Variants in CMSS1 observed in about 807,000 individuals in gnomAD.
CMSS1 encodes the protein protein CMSS1.
In CMSS1, 33 loss-of-function variants were observed where a neutral mutation model predicts 43.5. That is an observed-to-expected ratio of 0.76 (90% CI 0.57 to 1.01). The LOEUF is 1.01. Ranked by LOEUF, CMSS1 falls within the 50% of genes least tolerant of loss-of-function variation. CMSS1 has a pLI of 0.00. For missense variants in CMSS1, 313 were observed against 326.4 expected (o/e 0.96, Z 0.32); for synonymous variants, 115 against 117.2 (o/e 0.98, Z 0.12).
intron 1 of CMSS1, among the ~76,000 whole-genome samples, chr3:100,086,125 G>T (rs1156411600): frequency 2.0e-5 from 3 of 152,220 alleles, no homozygotes; most frequent in Non-Finnish European, 4.4e-5. Flanking sequence ...GTATCTTTCT[G>T]CAGCGAACCT....
chr3:100,134,973 G>A lies in CMSS1; in HGVS notation c.65-12000G>A, dbSNP rs150551574. Among the ~76,000 whole-genome samples, 8 of 152,200 alleles carry A rather than the reference G, an allele frequency of 5.3e-5. No homozygotes were observed. The East Asian group carries it at 1.5e-3, about 29-fold the overall frequency. ...CCTGGCTCTCTTTCTTATTAATGTT[G>A]AGCAGGTGCCTCCATTTCTACCTCT... On this transcript the variant is annotated intron_variant, in intron 1 of 9. Transcript: ENST00000421999.
chr3:100,052,243 C>T (rs1256818929), intron 1 of CMSS1, among the ~76,000 whole-genome samples: 3 of 152,180 alleles, frequency 2.0e-5, no homozygotes, highest in Non-Finnish European at 2.9e-5. Context: ...CTAATACACT[C>T]CATTGGAGTT....
In CMSS1 at chr3:100,111,777, C is replaced by T. The variant is rs116971607; in HGVS notation, c.65-35196C>T. Among the ~76,000 whole-genome samples the T allele has an allele frequency of 3.2e-3, 482 of 152,302 alleles. 12 individuals are homozygous for T. The East Asian group carries it at 0.062, about 19-fold the overall frequency. The stretch of plus-strand genomic sequence containing the variant: ...AGTATGTAAAGTTTTTGTCTAACAT[C>T]TATAGCTTGCACCAAAATGTCAACA... On this transcript the variant is annotated intron_variant, in intron 1 of 9. Coordinates refer to ENST00000421999, the MANE Select transcript of CMSS1 (RefSeq NM_032359.4).
At chr3:100,093,560 A>G (rs1478417864) in intron 1 of CMSS1, among the ~76,000 whole-genome samples, 1 of 152,180 alleles carries the variant, frequency 6.6e-6, no homozygotes, top group East Asian at 1.9e-4. Context: ...ATACACTTCA[A>G]CCAGTTTCCT....
At chr3:100,052,769 A>T (rs865983195) in intron 1 of CMSS1, among the ~76,000 whole-genome samples, 1 of 152,212 alleles carries the variant, frequency 6.6e-6, no homozygotes, top group Non-Finnish European at 1.5e-5. Flanking sequence ...CAGTTGTTTG[A>T]GTATATACTG....
At chr3:99,878,549 G>A (rs1398533197) in intron 1 of CMSS1, among the ~76,000 whole-genome samples, 1 of 152,186 alleles carries the variant, frequency 6.6e-6, no homozygotes, top group East Asian at 1.9e-4. Context: ...GGTATGTTTG[G>A]TAAAGGAGTG....
intron 2 of CMSS1, among the ~76,000 whole-genome samples, chr3:100,150,249 T>C (rs1231145128): frequency 1.3e-5 from 2 of 152,232 alleles, no homozygotes; most frequent in Non-Finnish European, 2.9e-5. Flanking sequence ...TTCTTTTGTG[T>C]CCACTATAGT....
At chr3:99,851,630 C>T (rs927147597) in intron 1 of CMSS1, among the ~76,000 whole-genome samples, 1 of 152,162 alleles carries the variant, frequency 6.6e-6, no homozygotes, top group Non-Finnish European at 1.5e-5. Flanking sequence ...TTGCTGCTGT[C>T]TTTATTAATA....
At chr3:99,853,793 G>A (rs776614273) in intron 1 of CMSS1, among the ~76,000 whole-genome samples, 9 of 152,118 alleles carry the variant, frequency 5.9e-5, no homozygotes, top group Admixed American at 2.6e-4. Flanking sequence ...TCTCATGAGC[G>A]CACCATAGGA....
intron 1 of CMSS1, among the ~76,000 whole-genome samples, chr3:99,967,421 A>G (rs1708686674): frequency 6.6e-6 from 1 of 152,204 alleles, no homozygotes; most frequent in African/African-American, 2.4e-5. Flanking sequence ...TTGGAAATGA[A>G]CTTAGGCCAT....
At chr3:100,176,638 C>A (rs1040529018) in intron 9 of CMSS1, among the ~76,000 whole-genome samples, 11 of 152,152 alleles carry the variant, frequency 7.2e-5, no homozygotes, top group Non-Finnish European at 1.3e-4. Flanking sequence ...CTCTGTTGCT[C>A]CTTAAATGAC....
At chr3:100,153,872 A>G (rs1054420314) in intron 2 of CMSS1, among the ~76,000 whole-genome samples, 7 of 147,002 alleles carry the variant, frequency 4.8e-5, no homozygotes, top group African/African-American at 1.3e-4. Context: ...TTTTTTTAAG[A>G]TGGAGTCTTG....
chr3:100,070,968 C>T (rs1420873323), intron 1 of CMSS1, among the ~76,000 whole-genome samples: 1 of 151,888 alleles, frequency 6.6e-6, no homozygotes. Flanking sequence ...TTATTAAATT[C>T]TCACTATGTA....
chr3:100,167,186 C>T (rs77400997), intron 5 of CMSS1, among the ~76,000 whole-genome samples: 198 of 152,264 alleles, frequency 1.3e-3, no homozygotes, highest in Non-Finnish European at 1.3e-3. Flanking sequence ...TCTGATGACA[C>T]TCAACTTGAG....
chr3:99,995,920 G>C (rs1329749538), intron 1 of CMSS1, among the ~76,000 whole-genome samples: 1 of 152,212 alleles, frequency 6.6e-6, no homozygotes, highest in East Asian at 1.9e-4. Context: ...CTGGGCTGAT[G>C]ACTGGAGGGG....
intron 8 of CMSS1, among the ~76,000 whole-genome samples, chr3:100,175,829 A>G (rs1458577884): frequency 1.3e-5 from 2 of 152,060 alleles, no homozygotes; most frequent in African/African-American, 4.8e-5. Flanking sequence ...TGATTTACCA[A>G]CCTCATCGAA....
At chr3:100,170,179 A>G (rs1438096376) in intron 6 of CMSS1, among the ~76,000 whole-genome samples, 4 of 152,238 alleles carry the variant, frequency 2.6e-5, no homozygotes, top group Middle Eastern at 3.2e-3. Flanking sequence ...GTAAGTAAAA[A>G]CTTGAGGCAA....
intron 1 of CMSS1, chr3:99,924,298 C>T: frequency 6.2e-7 from 1 of 1,614,056 alleles, no homozygotes; most frequent in Non-Finnish European, 8.5e-7. Context: ...TATGTTTTCT[C>T]TTTTCTTCCT....
intron 1 of CMSS1, among the ~76,000 whole-genome samples, chr3:100,054,514 T>C (rs935014754): frequency 1.4e-4 from 22 of 152,042 alleles, no homozygotes; most frequent in South Asian, 4.2e-4. Flanking sequence ...TATGTTATGT[T>C]ATGTTATGTT....
Sources: allele counts gnomAD v4.1 joint callset (sites outside exome capture counted in the v4.1 genomes callset), GRCh38; gene constraint gnomAD v4.1.1; transcripts MANE v1.5; gene names NCBI Gene and HGNC (gene_info 2026-07-23, HGNC 2026-07-21).